CNBD1: variants seen among roughly 807,000 people sequenced by gnomAD.
CNBD1 encodes the protein cyclic nucleotide binding domain containing 1.
Under a neutral mutation model 54.4 loss-of-function variants are expected in CNBD1, and 71 were observed. The observed-to-expected ratio is 1.30, with a 90% CI of 1.08 to 1.59. The LOEUF (loss-of-function observed/expected upper bound fraction) is 1.59, where lower values mean the gene tolerates loss of function less well. Among genes scored for constraint, CNBD1 ranks in the 40% most tolerant of loss-of-function variants. The pLI is 0.00. For missense variants in CNBD1, 659 were observed against 518.0 expected (o/e 1.27, Z -2.64); for synonymous variants, 182 against 170.7 (o/e 1.07, Z -0.51).
chr8:87,310,531 C>A (rs991470447), intron 8 of CNBD1, among the ~76,000 whole-genome samples: 34 of 152,232 alleles, frequency 2.2e-4, no homozygotes, highest in African/African-American at 7.9e-4. Flanking sequence ...TTGGAAGAAT[C>A]AGTATTGTTA....
rs141692796 is a variant in CNBD1, at chr8:87,364,845, G to T, written c.1303+11059G>T. Reference sequence around the variant, plus strand: ...TATCATTCTTTTTTATGGCTGCATAGTATTCCATGGTGTATGTGTACCACA... The same window carrying T: ...TATCATTCTTTTTTATGGCTGCATATTATTCCATGGTGTATGTGTACCACA... On this transcript the variant is annotated intron_variant, in intron 10 of 10. Transcript: ENST00000518476. Among the ~76,000 whole-genome samples the T allele has an allele frequency of 9.7e-3, 1,472 of 152,210 alleles. 20 individuals are homozygous for T. The highest frequency in any genetic ancestry group is 0.033 in the African/African-American group (1,353 of 41,546).
chr8:86,990,387 T>C (rs1808718890), intron 4 of CNBD1, among the ~76,000 whole-genome samples: 1 of 152,116 alleles, frequency 6.6e-6, no homozygotes, highest in Non-Finnish European at 1.5e-5. Context: ...GTGAGAAGAG[T>C]TCAGTTTCAT....
intron 8 of CNBD1, among the ~76,000 whole-genome samples, chr8:87,328,416 A>C (rs1271781834): frequency 6.6e-6 from 1 of 151,266 alleles, no homozygotes; most frequent in East Asian, 1.9e-4. Context: ...AATTATGTTT[A>C]ATTTTTTTCA....
intron 5 of CNBD1, among the ~76,000 whole-genome samples, chr8:87,223,406 A>G (rs1395651160): frequency 1.1e-5 from 1 of 93,172 alleles, no homozygotes; most frequent in Non-Finnish European, 2.2e-5. Context: ...CCGACCCCAC[A>G]ACAGTTCCCA....
At chr8:86,923,405 G>A (rs1339918064) in intron 3 of CNBD1, among the ~76,000 whole-genome samples, 2 of 152,200 alleles carry the variant, frequency 1.3e-5, no homozygotes, top group African/African-American at 4.8e-5. Context: ...TGTAGGGAGA[G>A]TAGCCTTTGA....
intron 4 of CNBD1, among the ~76,000 whole-genome samples, chr8:87,051,608 G>A (rs1023226666): frequency 2.0e-5 from 3 of 152,208 alleles, no homozygotes; most frequent in African/African-American, 2.4e-5. Flanking sequence ...GAAACAAAGG[G>A]ATGGGCTGAA....
intron 4 of CNBD1, among the ~76,000 whole-genome samples, chr8:86,987,191 C>T (rs1428183892): frequency 6.6e-6 from 1 of 152,076 alleles, no homozygotes; most frequent in Non-Finnish European, 1.5e-5. Context: ...TTTCTTTCAT[C>T]AGTGTTTAAT....
rs1380410828 is a variant in CNBD1 at position 86,894,448 on chromosome 8, A to G, written c.158+6837A>G. On this transcript the variant is annotated intron_variant, in intron 2 of 10. Transcript: ENST00000518476. The stretch of plus-strand genomic sequence containing the variant: ...ATACATACCTTGACCCCTCCTTCCT[A>G]GTTTCCCATATGATCAATATCTTGC... 5.9e-5 allele frequency among the ~76,000 whole-genome samples: 9 copies of G among 152,262 alleles called. No homozygotes were observed. The East Asian group carries it at 1.7e-3, about 29-fold the overall frequency.
At chr8:87,010,321 A>G (rs1021294439) in intron 4 of CNBD1, among the ~76,000 whole-genome samples, 1 of 152,072 alleles carries the variant, frequency 6.6e-6, no homozygotes, top group African/African-American at 2.4e-5. Flanking sequence ...TCCAAGCTTC[A>G]GTCTGACATT....
At chr8:87,004,011 C>T (rs1284701832) in intron 4 of CNBD1, among the ~76,000 whole-genome samples, 4 of 152,060 alleles carry the variant, frequency 2.6e-5, no homozygotes, top group Non-Finnish European at 5.9e-5. Flanking sequence ...ACACACAGGT[C>T]AAGAATCAGC....
chr8:86,924,423 C>T (rs1229689460), intron 3 of CNBD1, among the ~76,000 whole-genome samples: 6 of 152,006 alleles, frequency 3.9e-5, no homozygotes, highest in South Asian at 2.1e-4. Context: ...CCACGAATAG[C>T]TAATTTAGGA....
At chr8:87,388,532 A>C (rs530095842) in intron 2 of CNBD1, among the ~76,000 whole-genome samples, 1 of 152,088 alleles carries the variant, frequency 6.6e-6, no homozygotes, top group Non-Finnish European at 1.5e-5. Flanking sequence ...ACACATACAC[A>C]CTCCCAAGAC....
chr8:87,150,018 A>G (rs975338267), intron 4 of CNBD1, among the ~76,000 whole-genome samples: 1 of 152,090 alleles, frequency 6.6e-6, no homozygotes, highest in Admixed American at 6.5e-5. Context: ...TACCAAAAAA[A>G]TATAAAAACT....
intron 4 of CNBD1, among the ~76,000 whole-genome samples, chr8:87,130,459 T>C (rs1472537476): frequency 6.6e-6 from 1 of 152,162 alleles, no homozygotes; most frequent in African/African-American, 2.4e-5. Context: ...TTGTCCTTTC[T>C]CATTTTTTCT....
At chr8:87,120,553 T>C (rs1417443349) in intron 4 of CNBD1, among the ~76,000 whole-genome samples, 2 of 152,072 alleles carry the variant, frequency 1.3e-5, no homozygotes, top group Non-Finnish European at 2.9e-5. Context: ...GTCTATTTTG[T>C]TCAGTTTTGC....
intron 8 of CNBD1, among the ~76,000 whole-genome samples, chr8:87,332,723 T>A (rs1309165242): frequency 6.6e-6 from 1 of 152,168 alleles, no homozygotes; most frequent in Non-Finnish European, 1.5e-5. Flanking sequence ...CTCTATTATG[T>A]TTCATTGGTC....
At chr8:87,107,575 T>G (rs528587578) in intron 4 of CNBD1, among the ~76,000 whole-genome samples, 1 of 152,376 alleles carries the variant, frequency 6.6e-6, no homozygotes, top group African/African-American at 2.4e-5. Flanking sequence ...TTATTTTGTT[T>G]TATCTATGAG....
At chr8:87,425,099 C>T (rs1396925147) in intron 2 of CNBD1, among the ~76,000 whole-genome samples, 3 of 152,084 alleles carry the variant, frequency 2.0e-5, no homozygotes, top group African/African-American at 7.2e-5. Context: ...ACCCTTTCTT[C>T]CAGTTGATCG....
chr8:87,337,245 G>T (rs1045410031), intron 8 of CNBD1, among the ~76,000 whole-genome samples: 1 of 152,128 alleles, frequency 6.6e-6, no homozygotes, highest in African/African-American at 2.4e-5. Flanking sequence ...GGTGTTTGCT[G>T]TGCTGGGGGG....
Sources: allele counts gnomAD v4.1 joint callset (sites outside exome capture counted in the v4.1 genomes callset), GRCh38; gene constraint gnomAD v4.1.1; transcripts MANE v1.5; gene names NCBI Gene and HGNC (gene_info 2026-07-23, HGNC 2026-07-21).